The following TASP1 variants were observed in gnomAD, a reference collection of about 807,000 sequenced individuals.
TASP1 encodes the protein taspase 1, also known as threonine aspartase 1.
A neutral mutation model predicts 56.6 loss-of-function variants in TASP1; 16 were observed. That is an observed-to-expected ratio of 0.28 (90% CI 0.19 to 0.43). The LOEUF (loss-of-function observed/expected upper bound fraction) is 0.43. Among genes scored for constraint, TASP1 ranks in the 20% least tolerant of loss-of-function variants. The pLI, the probability that TASP1 is intolerant of heterozygous loss-of-function variation, is 1.00. For missense variants in TASP1, 393 were observed against 511.6 expected (o/e 0.77, Z 2.24); for synonymous variants, 179 against 184.2 (o/e 0.97, Z 0.23).
the TASP1 span, among the ~76,000 whole-genome samples, chr20:13,134,358 TC>T: frequency 2.6e-5 from 4 of 152,340 alleles, no homozygotes; most frequent in African/African-American, 9.6e-5. Flanking sequence ...ATAATTCTTG[TC>T]TGCAGGCATG....
chr20:13,238,162 C>T, the TASP1 span: 2 of 152,098 alleles, frequency 1.3e-5, no homozygotes, highest in Non-Finnish European at 2.9e-5. Flanking sequence ...GTGGACATTC[C>T]ATTTAATAAA....
chr20:13,371,418 G>T, the TASP1 span, among the ~76,000 whole-genome samples: 23,732 of 152,010 alleles, frequency 0.16, 2,123 homozygotes, highest in African/African-American at 0.23. Flanking sequence ...TAGACCTGTT[G>T]GTTATTTAGT....
At chr20:13,413,433 C>T (rs2042155727) in intron 13 of TASP1, among the ~76,000 whole-genome samples, 1 of 151,842 alleles carries the variant, frequency 6.6e-6, no homozygotes, top group African/African-American at 2.4e-5. Context: ...GAGGACAGCA[C>T]CTTGATTATG....
chr20:13,145,965 C>T, the TASP1 span, among the ~76,000 whole-genome samples: 1 of 152,146 alleles, frequency 6.6e-6, no homozygotes, highest in Admixed American at 6.6e-5. Flanking sequence ...GCCATAAAGC[C>T]ACATGCATGC....
At chr20:13,382,438 G>C in the TASP1 span, among the ~76,000 whole-genome samples, 3 of 152,100 alleles carry the variant, frequency 2.0e-5, no homozygotes, top group African/African-American at 7.2e-5. Context: ...CTTAAGCCTA[G>C]GAGTTCAAGA....
the TASP1 span, among the ~76,000 whole-genome samples, chr20:13,192,134 C>T: frequency 2.0e-5 from 3 of 152,186 alleles, no homozygotes; most frequent in Admixed American, 2.0e-4. Flanking sequence ...AAATCTTTCT[C>T]AGGCAGACAA....
chr20:13,483,632 C>T (rs1361416304), intron 10 of TASP1, among the ~76,000 whole-genome samples: 2 of 152,026 alleles, frequency 1.3e-5, no homozygotes, highest in Non-Finnish European at 2.9e-5. Flanking sequence ...AAAAAAAATC[C>T]CCCTAAAAAA....
chr20:13,293,450 T>C, the TASP1 span, among the ~76,000 whole-genome samples: 1 of 151,998 alleles, frequency 6.6e-6, no homozygotes, highest in Non-Finnish European at 1.5e-5. Context: ...AGTTCTTACT[T>C]AGCCTCTTCA....
intron 7 of TASP1, among the ~76,000 whole-genome samples, chr20:13,569,260 T>C (rs545548989): frequency 6.6e-6 from 1 of 152,110 alleles, no homozygotes; most frequent in Non-Finnish European, 1.5e-5. Flanking sequence ...GTAATTATTT[T>C]AAGTAATCTC....
At chr20:13,608,125 T>C (rs1399669066) in intron 4 of TASP1, among the ~76,000 whole-genome samples, 1 of 152,244 alleles carries the variant, frequency 6.6e-6, no homozygotes, top group East Asian at 1.9e-4. Flanking sequence ...ATGTACTCCA[T>C]GTCATTATAC....
chr20:13,253,398 G>A, the TASP1 span, among the ~76,000 whole-genome samples: 5 of 152,304 alleles, frequency 3.3e-5, no homozygotes, highest in South Asian at 2.1e-4. Context: ...GAGCTCATTC[G>A]CTGTTGATCT....
chr20:13,135,373 C>A, the TASP1 span, among the ~76,000 whole-genome samples: 2 of 152,130 alleles, frequency 1.3e-5, no homozygotes. Context: ...AACAGTCACC[C>A]TCCATTTGAC....
intron 8 of TASP1, among the ~76,000 whole-genome samples, chr20:13,555,876 T>G (rs1317330140): frequency 6.6e-6 from 1 of 152,118 alleles, no homozygotes; most frequent in African/African-American, 2.4e-5. Flanking sequence ...AAATTACCCC[T>G]TGATTCACAG....
chr20:13,331,879 A>G, the TASP1 span, among the ~76,000 whole-genome samples: 2 of 152,002 alleles, frequency 1.3e-5, no homozygotes, highest in Non-Finnish European at 2.9e-5. Flanking sequence ...ACCAATACCT[A>G]TTTTTGAATA....
At chr20:13,368,119 A>G in the TASP1 span, among the ~76,000 whole-genome samples, 49 of 150,196 alleles carry the variant, frequency 3.3e-4, no homozygotes, top group African/African-American at 1.2e-3. Context: ...TTATATTGGC[A>G]TATTTAAATC....
At chr20:13,631,894 T>C (rs2049097858) in intron 1 of TASP1, among the ~76,000 whole-genome samples, 1 of 151,132 alleles carries the variant, frequency 6.6e-6, no homozygotes. Flanking sequence ...TGAAACCCTG[T>C]CTCTATTAAT....
At chr20:13,391,782 A>G (rs1568737260) in intron 13 of TASP1, among the ~76,000 whole-genome samples, 2 of 151,864 alleles carry the variant, frequency 1.3e-5, no homozygotes, top group Admixed American at 6.6e-5. Context: ...CCTGGCCAAC[A>G]TGGTGAAACC....
the TASP1 span, among the ~76,000 whole-genome samples, chr20:13,278,753 C>T: frequency 6.6e-6 from 1 of 152,192 alleles, no homozygotes; most frequent in Non-Finnish European, 1.5e-5. Context: ...GAGCTTGTCT[C>T]TGCTCCATGT....
chr20:13,119,323 T>C, the TASP1 span, among the ~76,000 whole-genome samples: 4 of 152,170 alleles, frequency 2.6e-5, no homozygotes, highest in African/African-American at 9.7e-5. Context: ...TAGAGTAGCT[T>C]CATTTGATAC....
Sources: gnomAD v4.1 joint callset for allele counts (sites outside exome capture counted in the v4.1 genomes callset) on GRCh38, gnomAD v4.1.1 for gene constraint, MANE v1.5 for transcripts, NCBI Gene and HGNC (gene_info 2026-07-23, HGNC 2026-07-21) for gene names.